Variants in PRIM2 observed in about 807,000 individuals in gnomAD.
PRIM2 encodes the protein DNA primase subunit 2.
PRIM2 carries 39 observed loss-of-function variants against 67.3 expected under a neutral mutation model. The observed-to-expected ratio is 0.58, with a 90% confidence interval of 0.45 to 0.76. PRIM2 has a LOEUF of 0.76. Among genes scored for constraint, PRIM2 ranks in the 30% least tolerant of loss-of-function variants. The pLI, the probability that PRIM2 is intolerant of heterozygous loss-of-function variation, is 0.00. For missense variants in PRIM2, 398 were observed against 598.7 expected (o/e 0.66, Z 3.50); for synonymous variants, 143 against 198.7 (o/e 0.72, Z 2.36).
At chr6:57,231,869 A>G in the PRIM2 span, among the ~76,000 whole-genome samples, 1 of 150,028 alleles carries the variant, frequency 6.7e-6, no homozygotes. Flanking sequence ...AAAAAAAACC[A>G]CTAGTACAAT....
chr6:57,445,694 C>G (rs1276438544), intron 7 of PRIM2, among the ~76,000 whole-genome samples: 1 of 152,202 alleles, frequency 6.6e-6, no homozygotes, highest in Non-Finnish European at 1.5e-5. Context: ...TATTAATTCA[C>G]ATAGATTACC....
chr6:57,312,035 G>A (rs1393864760), upstream of PRIM2, among the ~76,000 whole-genome samples: 1 of 27,602 alleles, frequency 3.6e-5, no homozygotes, highest in Non-Finnish European at 6.5e-5. Flanking sequence ...GGGGAGACGG[G>A]AGAGGGGAGA....
At chr6:57,477,342 ATAT>A (rs1773499796) in intron 7 of PRIM2, among the ~76,000 whole-genome samples, 1 of 152,166 alleles carries the variant, frequency 6.6e-6, no homozygotes, top group South Asian at 2.1e-4. Flanking sequence ...GATAAGTTAT[ATAT>A]TGCTTACAAA....
chr6:57,572,724 C>G (rs1775885067), intron 10 of PRIM2, among the ~76,000 whole-genome samples: 4 of 152,168 alleles, frequency 2.6e-5, no homozygotes, highest in African/African-American at 9.7e-5. Flanking sequence ...ATGAATATAG[C>G]TAAGAAAGAG....
intron 12 of PRIM2, among the ~76,000 whole-genome samples, chr6:57,617,275 T>C (rs1204037697): frequency 6.6e-6 from 1 of 152,240 alleles, no homozygotes; most frequent in Non-Finnish European, 1.5e-5. Flanking sequence ...CTTTGTCTAG[T>C]TTCCTCTTTT....
chr6:57,473,348 T>C (rs1773383102), intron 7 of PRIM2, among the ~76,000 whole-genome samples: 1 of 152,226 alleles, frequency 6.6e-6, no homozygotes, highest in Non-Finnish European at 1.5e-5. Flanking sequence ...ATCGTCCTTA[T>C]AGCACCATGC....
intron 10 of PRIM2, among the ~76,000 whole-genome samples, chr6:57,589,777 C>T (rs1468171599): frequency 2.6e-5 from 4 of 152,028 alleles, no homozygotes; most frequent in Non-Finnish European, 5.9e-5. Context: ...AGAACTATAG[C>T]GGCAAAGCAG....
chr6:57,610,324 T>C (rs1317277363), intron 12 of PRIM2, among the ~76,000 whole-genome samples: 3 of 152,164 alleles, frequency 2.0e-5, no homozygotes, highest in Non-Finnish European at 2.9e-5. Context: ...TGCCTCGGCC[T>C]CCCACAGTGC....
At position 57,486,358 on chromosome 6, in the gene PRIM2, A is replaced by G. The variant is rs1414045592; in HGVS notation, c.694-21029A>G. The stretch of plus-strand genomic sequence containing the variant: ...CATCGCCAAGGTCTGATTTTTCACA[A>G]AACAATTTGCAACCTACGGCATGAA... On this transcript the variant is annotated intron_variant, in intron 7 of 13. Transcript: ENST00000615550. Among the ~76,000 whole-genome samples, 372 of 152,374 alleles carry G rather than the reference A, an allele frequency of 2.4e-3. 5 individuals carry two copies. Among genetic ancestry groups the G allele is most frequent in the East Asian group, 0.016 (84 of 5,190 alleles).
chr6:57,555,331 G>A (rs1301462458), intron 10 of PRIM2, among the ~76,000 whole-genome samples: 1 of 151,998 alleles, frequency 6.6e-6, no homozygotes, highest in Non-Finnish European at 1.5e-5. Context: ...CCAGGCGGGA[G>A]CGCAGTGACA....
chr6:57,564,271 A>C (rs1775694349), intron 10 of PRIM2, among the ~76,000 whole-genome samples: 1 of 152,222 alleles, frequency 6.6e-6, no homozygotes, highest in African/African-American at 2.4e-5. Context: ...CTATTAATCC[A>C]AAACATACAG....
intron 7 of PRIM2, chr6:57,383,420 G>A (rs6459209): frequency 3.9e-5 from 6 of 152,050 alleles, no homozygotes; most frequent in African/African-American, 9.7e-5. Flanking sequence ...AAATATCACC[G>A]TGCATTTCAG....
At chr6:57,442,968 A>T (rs1188621664) in intron 7 of PRIM2, among the ~76,000 whole-genome samples, 6 of 152,110 alleles carry the variant, frequency 3.9e-5, no homozygotes, top group African/African-American at 1.4e-4. Flanking sequence ...ACTACCTTCT[A>T]TTCTCTGCTT....
chr6:57,636,033 T>C (rs1265044759), intron 13 of PRIM2, among the ~76,000 whole-genome samples: 1 of 152,208 alleles, frequency 6.6e-6, no homozygotes, highest in African/African-American at 2.4e-5. Flanking sequence ...TCAGATCCTT[T>C]ACAGGACTTT....
chr6:57,311,279 G>A (rs559379566), upstream of PRIM2, among the ~76,000 whole-genome samples: 3 of 140,908 alleles, frequency 2.1e-5, no homozygotes, highest in South Asian at 2.3e-4. Context: ...CTTCCCAGAC[G>A]GGGCGGCCGG....
the PRIM2 span, among the ~76,000 whole-genome samples, chr6:57,251,246 A>G: frequency 6.6e-6 from 1 of 152,194 alleles, no homozygotes; most frequent in African/African-American, 2.4e-5. Context: ...TCATACTTTT[A>G]TCAATAAATC....
At chr6:57,236,793 A>G in the PRIM2 span, among the ~76,000 whole-genome samples, 2 of 151,934 alleles carry the variant, frequency 1.3e-5, no homozygotes, top group African/African-American at 4.8e-5. Flanking sequence ...TATGTGCCAC[A>G]TTTTCTTAAT....
At chr6:57,411,237 C>T (rs9382734) in intron 7 of PRIM2, among the ~76,000 whole-genome samples, 2 of 151,964 alleles carry the variant, frequency 1.3e-5, no homozygotes, top group Non-Finnish European at 2.9e-5. Context: ...ATGCAGATGT[C>T]GCTATGCTTC....
intron 10 of PRIM2, among the ~76,000 whole-genome samples, chr6:57,573,393 A>G (rs1775897628): frequency 6.6e-6 from 1 of 152,082 alleles, no homozygotes; most frequent in South Asian, 2.1e-4. Flanking sequence ...CCATGCTCAG[A>G]TTTGCATAGT....
Sources: allele counts gnomAD v4.1 joint callset (sites outside exome capture counted in the v4.1 genomes callset), GRCh38; gene constraint gnomAD v4.1.1; transcripts MANE v1.5; gene names NCBI Gene and HGNC (gene_info 2026-07-23, HGNC 2026-07-21).